HFM1: variants seen among roughly 807,000 people sequenced by gnomAD.
The protein encoded by HFM1 is helicase for meiosis 1, also known as probable ATP-dependent DNA helicase HFM1.
HFM1 carries 169 observed loss-of-function variants against 192.1 expected under a neutral mutation model. That is an observed-to-expected ratio of 0.88 (90% CI 0.78 to 1.00). The LOEUF (loss-of-function observed/expected upper bound fraction) is 1.00. Ranked by LOEUF, HFM1 falls within the 50% of genes least tolerant of loss-of-function variation. The pLI is 0.00. For missense variants in HFM1, 1,661 were observed against 1,668.0 expected (o/e 1.00, Z 0.07); for synonymous variants, 525 against 537.8 (o/e 0.98, Z 0.33).
chr1:91,267,581 G>T (rs1290503888), intron 35 of HFM1, among the ~76,000 whole-genome samples, 164 bp downstream of exon 35: 2 of 152,082 alleles, frequency 1.3e-5, no homozygotes, highest in Non-Finnish European at 2.9e-5. Context: ...GTTCTTTGTA[G>T]AAGAGTCACA....
intron 5 of HFM1, 127 bp downstream of exon 5, chr1:91,385,447 TA>T (rs773333340): frequency 9.7e-6 from 8 of 821,088 alleles, no homozygotes; most frequent in East Asian, 5.3e-5. Flanking sequence ...TGCAATATAA[TA>T]AAAAAATGCA....
intron 13 of HFM1, among the ~76,000 whole-genome samples, chr1:91,368,429 T>C (rs545730298): frequency 7.9e-5 from 12 of 151,840 alleles, no homozygotes; most frequent in Admixed American, 3.3e-4. Flanking sequence ...CAGAAGAGAG[T>C]GGGGGCAAAT....
At chr1:91,371,890 A>T (rs1357150087) in intron 13 of HFM1, among the ~76,000 whole-genome samples, 1 of 152,342 alleles carries the variant, frequency 6.6e-6, no homozygotes, top group East Asian at 1.9e-4. Context: ...CAAATTTACA[A>T]GAAAAAAACA....
intron 30 of HFM1, among the ~76,000 whole-genome samples, chr1:91,277,398 A>G (rs1204754980): frequency 6.6e-6 from 1 of 150,468 alleles, no homozygotes; most frequent in Non-Finnish European, 1.5e-5. Context: ...TTTAAAACAT[A>G]TTTTTGATAA....
chr1:91,357,628 A>G (rs180798423), intron 13 of HFM1, among the ~76,000 whole-genome samples: 1 of 152,304 alleles, frequency 6.6e-6, no homozygotes, highest in Admixed American at 6.5e-5. Context: ...AGAAAAAAAT[A>G]AAAGGAATTC....
At chr1:91,271,663 G>A (rs1666306016) in intron 34 of HFM1, among the ~76,000 whole-genome samples, 1 of 152,006 alleles carries the variant, frequency 6.6e-6, no homozygotes, top group Non-Finnish European at 1.5e-5. Flanking sequence ...TGGAAGAAAA[G>A]ATAAGTTTTC....
At chr1:91,293,136 G>A (rs1668977590) in intron 30 of HFM1, among the ~76,000 whole-genome samples, 1 of 152,170 alleles carries the variant, frequency 6.6e-6, no homozygotes, top group Non-Finnish European at 1.5e-5. Context: ...TCAGGACGTA[G>A]GCATGGGCAA....
At chr1:91,301,265 T>C (rs1455206533) in intron 30 of HFM1, among the ~76,000 whole-genome samples, 3 of 150,154 alleles carry the variant, frequency 2.0e-5, no homozygotes, top group Admixed American at 1.3e-4. Context: ...TACAAACCAC[T>C]GCTCAATGAA....
intron 20 of HFM1, chr1:91,329,252 G>A (rs1189503511): frequency 6.2e-7 from 1 of 1,609,754 alleles, no homozygotes; most frequent in African/African-American, 1.3e-5. Flanking sequence ...TGGGCCCAGA[G>A]TCTGTGGAGC....
chr1:91,293,159 T>C lies in HFM1; in HGVS notation c.3392-16097A>G, dbSNP rs890486296. On this transcript the variant is annotated intron_variant, in intron 30 of 38. Coordinates refer to ENST00000370425, the MANE Select transcript of HFM1 (RefSeq NM_001017975.6). Reference sequence around the variant, plus strand: ...TAGGCATGGGCAAGGGCTTCATGTCTAAAACACCAAAAGCAATGGCAACAA... The same window carrying C: ...TAGGCATGGGCAAGGGCTTCATGTCCAAAACACCAAAAGCAATGGCAACAA... Among the ~76,000 whole-genome samples, 101 of 152,270 alleles carry C rather than the reference T, an allele frequency of 6.6e-4. 2 individuals are homozygous for C. The East Asian group carries it at 0.014, about 21-fold the overall frequency.
intron 16 of HFM1, among the ~76,000 whole-genome samples, chr1:91,352,211 T>A (rs1377652814): frequency 1.3e-5 from 2 of 148,736 alleles, no homozygotes; most frequent in African/African-American, 2.5e-5. Context: ...ATGCTAAGAG[T>A]ACCCCCATTC....
At chr1:91,283,124 T>G (rs1667614429) in intron 30 of HFM1, among the ~76,000 whole-genome samples, 4 of 152,168 alleles carry the variant, frequency 2.6e-5, no homozygotes. Flanking sequence ...AAAATAAAAG[T>G]GCTCCCTTTA....
intron 4 of HFM1, among the ~76,000 whole-genome samples, chr1:91,389,459 T>C (rs1209544665): frequency 1.2e-4 from 19 of 152,184 alleles, no homozygotes; most frequent in Admixed American, 1.0e-3. Context: ...TGGCAGGTAA[T>C]TGGGTTTAGA....
chr1:91,374,785 G>C (rs1230580771), intron 13 of HFM1, among the ~76,000 whole-genome samples: 4 of 152,056 alleles, frequency 2.6e-5, no homozygotes, highest in Non-Finnish European at 5.9e-5. Flanking sequence ...AGGAAGTCTG[G>C]GCCGAAGGCA....
At chr1:91,286,784 A>G (rs1415957239) in intron 30 of HFM1, among the ~76,000 whole-genome samples, 4 of 152,134 alleles carry the variant, frequency 2.6e-5, no homozygotes, top group Admixed American at 6.5e-5. Context: ...GACAGTGGGC[A>G]CAGGTCAGTG....
intron 13 of HFM1, among the ~76,000 whole-genome samples, chr1:91,355,836 T>C (rs1657647870): frequency 6.6e-6 from 1 of 152,146 alleles, no homozygotes; most frequent in Non-Finnish European, 1.5e-5. Flanking sequence ...AAAGAAATAC[T>C]GGACTTGAAT....
At chr1:91,289,308 G>A (rs1668422508) in intron 30 of HFM1, among the ~76,000 whole-genome samples, 1 of 151,984 alleles carries the variant, frequency 6.6e-6, no homozygotes, top group African/African-American at 2.4e-5. Context: ...ACGATGGGCG[G>A]CCGGGCAGAG....
chr1:91,404,736 C>T (rs1307599838), intron 1 of HFM1, 62 bp downstream of exon 1: 30 of 418,806 alleles, frequency 7.2e-5, no homozygotes, highest in Non-Finnish European at 4.8e-6. Context: ...GTCCCCACTT[C>T]CCCGCGGGCG....
chr1:91,294,328 G>A (rs1374230226), intron 30 of HFM1, among the ~76,000 whole-genome samples: 1 of 152,004 alleles, frequency 6.6e-6, no homozygotes, highest in South Asian at 2.1e-4. Context: ...TTCAAACCAT[G>A]AGAGTTAGTA....
Sources: allele counts gnomAD v4.1 joint callset (sites outside exome capture counted in the v4.1 genomes callset), GRCh38; gene constraint gnomAD v4.1.1; transcripts MANE v1.5; gene names NCBI Gene and HGNC (gene_info 2026-07-23, HGNC 2026-07-21).